TMCC3: variants seen among roughly 807,000 people sequenced by gnomAD.
The protein encoded by TMCC3 is transmembrane and coiled-coil domain family 3.
In TMCC3, 28 loss-of-function variants were observed where a neutral mutation model predicts 40.2. The ratio of observed to expected loss-of-function variants is 0.70; its 90% CI spans 0.52 to 0.95. TMCC3 has a LOEUF of 0.95. Among genes scored for constraint, TMCC3 ranks in the 40% least tolerant of loss-of-function variants. TMCC3 has a pLI of 0.00. For missense variants in TMCC3, 554 were observed against 615.2 expected, an observed-to-expected ratio of 0.90 and a Z score of 1.05; for synonymous variants, 255 against 248.5, an observed-to-expected ratio of 1.03 and a Z score of -0.25.
At chr12:94,595,184 T>C (rs974012253) in intron 1 of TMCC3, among the ~76,000 whole-genome samples, 2 of 152,220 alleles carry the variant, frequency 1.3e-5, no homozygotes, top group Non-Finnish European at 2.9e-5. Flanking sequence ...AGCACTACTC[T>C]AACTATATTT....
At chr12:94,593,859 T>C (rs145404563) in intron 1 of TMCC3, among the ~76,000 whole-genome samples, 97 of 152,298 alleles carry the variant, frequency 6.4e-4, no homozygotes, top group African/African-American at 2.2e-3. Context: ...TAAAGATTTG[T>C]ACGTACTAAA....
intron 1 of TMCC3, among the ~76,000 whole-genome samples, chr12:94,606,207 T>C (rs1426244513): frequency 6.6e-6 from 1 of 152,150 alleles, no homozygotes; most frequent in African/African-American, 2.4e-5. Flanking sequence ...CACCTGCTCT[T>C]AGCCTATTAT....
intron 1 of TMCC3, among the ~76,000 whole-genome samples, chr12:94,632,943 C>T (rs1439172908): frequency 2.0e-5 from 3 of 152,024 alleles, no homozygotes; most frequent in African/African-American, 7.3e-5. Flanking sequence ...GCCATCTCTA[C>T]TAAAAATGCA....
intron 1 of TMCC3, among the ~76,000 whole-genome samples, chr12:94,603,217 T>C (rs2138852110): frequency 6.6e-6 from 1 of 152,306 alleles, no homozygotes; most frequent in Admixed American, 6.5e-5. Context: ...CCCGAGTACC[T>C]GGGATTACAG....
At chr12:94,597,991 C>T (rs182244126) in intron 1 of TMCC3, among the ~76,000 whole-genome samples, 54 of 152,262 alleles carry the variant, frequency 3.5e-4, no homozygotes, top group African/African-American at 1.2e-3. Context: ...CACAAGCAGG[C>T]CTCAAGAAGA....
intron 1 of TMCC3, among the ~76,000 whole-genome samples, chr12:94,611,850 C>T (rs1222980721): frequency 6.6e-6 from 1 of 151,960 alleles, no homozygotes; most frequent in Non-Finnish European, 1.5e-5. Flanking sequence ...TTGGTTGAAT[C>T]CATGAATGTG....
At chr12:94,587,384 A>G (rs2068644603) in intron 1 of TMCC3, among the ~76,000 whole-genome samples, 1 of 152,212 alleles carries the variant, frequency 6.6e-6, no homozygotes, top group Admixed American at 6.5e-5. Flanking sequence ...AACTCCATCA[A>G]GTGTAATCCA....
At chr12:94,610,780 T>C (rs1394215481) in intron 1 of TMCC3, among the ~76,000 whole-genome samples, 1 of 152,202 alleles carries the variant, frequency 6.6e-6, no homozygotes, top group Non-Finnish European at 1.5e-5. Flanking sequence ...TGCACGCTCA[T>C]CTGTGCTTAA....
chr12:94,624,781 T>C (rs2068894392), intron 1 of TMCC3, among the ~76,000 whole-genome samples: 1 of 152,102 alleles, frequency 6.6e-6, no homozygotes, highest in African/African-American at 2.4e-5. Flanking sequence ...ACAACATGCG[T>C]GAACCTTTTA....
chr12:94,588,934 C>T (rs2068654850), intron 1 of TMCC3, among the ~76,000 whole-genome samples: 1 of 151,972 alleles, frequency 6.6e-6, no homozygotes, highest in Non-Finnish European at 1.5e-5. Flanking sequence ...AGTGATTCTC[C>T]TGCCTCAGCC....
rs753024916 is a variant in TMCC3 at position 94,581,848 on chromosome 12, A to T, written c.769T>A (p.Cys257Ser). 1.4e-5 allele frequency: 23 copies of T among 1,614,074 alleles called. No homozygotes were observed. Among genetic ancestry groups the T allele is most frequent in the Non-Finnish European group, 1.9e-5 (23 of 1,179,924 alleles). The stretch of plus-strand genomic sequence containing the variant: ...GCCGAGCCTGACGTGCCACTCGAAC[A>T]TTCATCATCACTGCCATACTTGGGT... Reference protein sequence around the residue: ...NKPKYGSDDECSSGTSGSADS... With the variant: ...NKPKYGSDDESSSGTSGSADS... Residue 257 changes from cysteine to serine, a missense_variant, in exon 2 of 4, where the codon TGT becomes AGT. Transcript: ENST00000261226.
rs12425862 is a variant in TMCC3 at position 94,646,480 on chromosome 12, C to T, written c.78+3873G>A. On this transcript the variant is annotated intron_variant, in intron 1 of 3. Coordinates refer to ENST00000261226, the MANE Select transcript of TMCC3 (RefSeq NM_020698.4). ...TGAGAGGAAGTCTCACTCTTGTCCC[C>T]CAGGCTGGAGTGCAATGGCACGATC... Among the ~76,000 whole-genome samples, 855 of 147,156 alleles carry T rather than the reference C, an allele frequency of 5.8e-3. 7 individuals are homozygous for T. The highest frequency in any genetic ancestry group is 0.017 in the Admixed American group (258 of 14,808).
At chr12:94,605,940 G>A (rs1271179151) in intron 1 of TMCC3, among the ~76,000 whole-genome samples, 13 of 151,894 alleles carry the variant, frequency 8.6e-5, no homozygotes, top group Non-Finnish European at 1.5e-4. Context: ...AATCTACTCC[G>A]TCAAACCAGG....
chr12:94,623,967 A>G (rs868480582), intron 1 of TMCC3, among the ~76,000 whole-genome samples: 16 of 152,280 alleles, frequency 1.1e-4, no homozygotes, highest in South Asian at 6.2e-4. Flanking sequence ...TATAATTTAT[A>G]TTATTAATTA....
intron 1 of TMCC3, among the ~76,000 whole-genome samples, chr12:94,636,337 A>G (rs758465086): frequency 1.3e-5 from 2 of 152,248 alleles, no homozygotes; most frequent in South Asian, 4.1e-4. Context: ...TAAGAATGAT[A>G]CAAACCTATA....
intron 1 of TMCC3, among the ~76,000 whole-genome samples, chr12:94,635,111 CAAGT>C (rs1295159036): frequency 6.6e-6 from 1 of 152,156 alleles, no homozygotes; most frequent in Non-Finnish European, 1.5e-5. Flanking sequence ...GAGTAACATA[CAAGT>C]AAGAATTAAG....
chr12:94,598,287 C>T (rs370394567), intron 1 of TMCC3, among the ~76,000 whole-genome samples: 8 of 152,174 alleles, frequency 5.3e-5, no homozygotes, highest in South Asian at 2.1e-4. Flanking sequence ...TTTCTGTGTA[C>T]GCCAAACCAT....
At chr12:94,613,147 G>C (rs1291756341) in intron 1 of TMCC3, among the ~76,000 whole-genome samples, 1 of 151,694 alleles carries the variant, frequency 6.6e-6, no homozygotes, top group Non-Finnish European at 1.5e-5. Flanking sequence ...TTGTACAGTG[G>C]AATGAAATAA....
At chr12:94,589,923 G>A (rs988915451) in intron 1 of TMCC3, among the ~76,000 whole-genome samples, 3 of 152,086 alleles carry the variant, frequency 2.0e-5, no homozygotes, top group Non-Finnish European at 2.9e-5. Flanking sequence ...CCCAGATCCC[G>A]CGAGAACCTC....
Sources: gnomAD v4.1 joint callset for allele counts (sites outside exome capture counted in the v4.1 genomes callset) on GRCh38, gnomAD v4.1.1 for gene constraint, MANE v1.5 for transcripts, NCBI Gene and HGNC (gene_info 2026-07-23, HGNC 2026-07-21) for gene names.